MEGF11: variants seen among roughly 807,000 people sequenced by gnomAD.
MEGF11 encodes multiple EGF like domains 11, also known as multiple epidermal growth factor-like domains protein 11.
MEGF11 carries 126 observed loss-of-function variants against 146.6 expected under a neutral mutation model. The ratio of observed to expected loss-of-function variants is 0.86; its 90% confidence interval spans 0.74 to 1.00. The LOEUF (loss-of-function observed/expected upper bound fraction) is 1.00. Among genes scored for constraint, MEGF11 ranks in the 50% least tolerant of loss-of-function variants. The pLI is 0.00. For synonymous variants in MEGF11, 532 were observed against 583.4 expected (o/e 0.91, Z 1.27); for missense variants, 1,509 against 1,521.2 (o/e 0.99, Z 0.13).
At position 65,982,166 on chromosome 15, in the gene MEGF11, T is replaced by A; in HGVS notation, c.641+76A>T. ...CCCGCCCCAGCCCCTCCACCTCCTCTACCCTCCCCACCCAGGCACCCTCCA... is the reference window on the plus strand; with the variant it reads ...CCCGCCCCAGCCCCTCCACCTCCTCAACCCTCCCCACCCAGGCACCCTCCA... On this transcript the variant is annotated intron_variant, in intron 6 of 25. Coordinates refer to ENST00000395614, the MANE Select transcript of MEGF11 (RefSeq NM_001385028.1). This position sits in a 1 kb window ranked among gnomAD's most constrained non-coding sequence, Gnocchi z 5.6. 8.4e-5 allele frequency: 92 copies of A among 1,093,316 alleles called. No homozygotes were observed. Among genetic ancestry groups the A allele is most frequent in the East Asian group, 1.2e-4 (3 of 25,270 alleles). 67.7% of individuals were successfully genotyped at this position (1,093,316 alleles called of 1,614,324 possible). A position where few individuals can be genotyped will look rare whatever the true frequency, so the allele number is the denominator to read the frequency against.
At position 65,957,737 on chromosome 15, in the gene MEGF11, A is replaced by G; in HGVS notation, c.1113-16T>C. The G allele has an allele frequency of 6.2e-7, 1 of 1,612,568 alleles. No individual in the cohort carries two copies. On this transcript the variant is annotated splice_polypyrimidine_tract_variant and intron_variant, in intron 9 of 25. Coordinates refer to ENST00000395614, the MANE Select transcript of MEGF11 (RefSeq NM_001385028.1). ...TGGGTGGCAGCTGCACAGATGAGAGAAGGGTGAGAAGACAGCTTGTTCTGG... is the reference window on the plus strand; with the variant it reads ...TGGGTGGCAGCTGCACAGATGAGAGGAGGGTGAGAAGACAGCTTGTTCTGG...
chr15:66,039,398 A>C (rs2083859998), intron 5 of MEGF11, among the ~76,000 whole-genome samples: 1 of 152,334 alleles, frequency 6.6e-6, no homozygotes, highest in East Asian at 1.9e-4. Context: ...CCTGGGGACC[A>C]CGTCTCCTGC....
At chr15:66,028,835 A>T (rs1323371643) in intron 5 of MEGF11, among the ~76,000 whole-genome samples, 2 of 152,262 alleles carry the variant, frequency 1.3e-5, no homozygotes, top group African/African-American at 4.8e-5. Context: ...GCTGACAAGG[A>T]TCAGAAGGGA....
chr15:66,237,425 T>C (rs1447133188), intron 1 of MEGF11, among the ~76,000 whole-genome samples: 1 of 152,212 alleles, frequency 6.6e-6, no homozygotes, highest in Non-Finnish European at 1.5e-5. Context: ...CATGTTTTAG[T>C]GCCTAACATC....
chr15:66,207,375 G>A (rs1004834540), intron 1 of MEGF11, among the ~76,000 whole-genome samples: 1 of 152,194 alleles, frequency 6.6e-6, no homozygotes, highest in Non-Finnish European at 1.5e-5. Context: ...CAAATCCATA[G>A]AAGCCAGAAG....
At chr15:66,237,385 C>T (rs1597168922) in intron 1 of MEGF11, among the ~76,000 whole-genome samples, 1 of 152,184 alleles carries the variant, frequency 6.6e-6, no homozygotes, top group Admixed American at 6.5e-5. Flanking sequence ...ATGGTCTCAC[C>T]ATTTCACCTC....
chr15:65,898,510 G>T, intron 25 of MEGF11: 2 of 985,390 alleles, frequency 2.0e-6, no homozygotes, highest in East Asian at 1.1e-4. Context: ...TTTCATATTA[G>T]TCCTGGTGTT....
chr15:66,145,593 C>T (rs2089340115), intron 1 of MEGF11, among the ~76,000 whole-genome samples: 1 of 152,158 alleles, frequency 6.6e-6, no homozygotes, highest in Non-Finnish European at 1.5e-5. Flanking sequence ...GGGTAGGGGG[C>T]TGGGCCGAAG....
At chr15:66,164,567 C>T (rs888470661) in intron 1 of MEGF11, among the ~76,000 whole-genome samples, 1 of 152,130 alleles carries the variant, frequency 6.6e-6, no homozygotes, top group Admixed American at 6.5e-5. Context: ...CCCACTGGAC[C>T]TTTCTCACCA....
chr15:65,923,042 A>C, intron 13 of MEGF11, 73 bp from the exon 14 acceptor site: 10 of 1,517,832 alleles, frequency 6.6e-6, no homozygotes, highest in Non-Finnish European at 8.9e-6. Flanking sequence ...GGGAAGGGGG[A>C]CAGTGCAGTA....
At chr15:66,039,799 C>T (rs1267975661) in intron 5 of MEGF11, among the ~76,000 whole-genome samples, 1 of 120,840 alleles carries the variant, frequency 8.3e-6, no homozygotes, top group Non-Finnish European at 1.8e-5. Context: ...GGTCAGGCGG[C>T]GGTGGGGTGA....
At chr15:65,905,993 T>C (rs958485438) in intron 24 of MEGF11, 92 bp downstream of exon 24, 80 of 1,099,006 alleles carry the variant, frequency 7.3e-5, no homozygotes, top group Admixed American at 3.6e-4. Context: ...GCACACACAG[T>C]TTGTCTCAAG....
chr15:65,916,852 A>C lies in MEGF11; in HGVS notation c.2191T>G (p.Trp731Gly), dbSNP rs141459855. Residue 731 changes from tryptophan to glycine, a missense_variant, in exon 17 of 26, where the codon TGG (tryptophan) becomes GGG (glycine). Physicochemically the swap from Trp to Gly is radical, Grantham distance 184 (BLOSUM62 -2). Transcript: ENST00000395614. Reference protein sequence around the residue: ...EDGACHCTPGWTGLFCTQRCP... With the variant: ...EDGACHCTPGGTGLFCTQRCP... ...CGCTGTGTGCAGAAGAGTCCAGTCCAGCCAGGGGTGCAGTGGCAGGCCCCG... is the reference window on the plus strand; with the variant it reads ...CGCTGTGTGCAGAAGAGTCCAGTCCCGCCAGGGGTGCAGTGGCAGGCCCCG... 21 of 1,604,158 alleles carry C rather than the reference A, an allele frequency of 1.3e-5. No homozygotes were observed. Among genetic ancestry groups the C allele is most frequent in the Non-Finnish European group, 1.8e-5 (21 of 1,173,578 alleles).
chr15:66,145,292 G>A (rs1450018044), intron 1 of MEGF11, among the ~76,000 whole-genome samples: 1 of 152,094 alleles, frequency 6.6e-6, no homozygotes, highest in Non-Finnish European at 1.5e-5. Context: ...TGCTAATGGG[G>A]AGGAAGCTGA....
rs913983641 is a variant in MEGF11, at chr15:65,929,645, T to A, written c.1572+75A>T. 1.5e-4 allele frequency: 225 copies of A among 1,487,474 alleles called. 1 individual carries two copies. The highest frequency in any genetic ancestry group is 1.8e-4 in the Non-Finnish European group (196 of 1,106,246). The allele number at this position is 1,487,474 out of a possible 1,614,324, so 92.1% of individuals were successfully genotyped here. ...TAGTGCTGTTCTCTGTGCACTCTTGTGGACGAACTAACACCAGGGAAAGGG... is the reference window on the plus strand; with the variant it reads ...TAGTGCTGTTCTCTGTGCACTCTTGAGGACGAACTAACACCAGGGAAAGGG... On this transcript the variant is annotated intron_variant, in intron 12 of 25. Coordinates refer to ENST00000395614, the MANE Select transcript of MEGF11 (RefSeq NM_001385028.1).
chr15:66,208,994 A>T (rs989537675), intron 1 of MEGF11, among the ~76,000 whole-genome samples: 1 of 152,214 alleles, frequency 6.6e-6, no homozygotes, highest in Non-Finnish European at 1.5e-5. Flanking sequence ...TCACTCATAC[A>T]TTGCTGCTCG....
chr15:66,236,995 C>A (rs2140224016), intron 1 of MEGF11, among the ~76,000 whole-genome samples: 1 of 152,304 alleles, frequency 6.6e-6, no homozygotes, highest in Non-Finnish European at 1.5e-5. Flanking sequence ...CCTCACCCAG[C>A]ACCTCCTTCC....
At chr15:65,955,075 C>G (rs1255577485) in intron 10 of MEGF11, among the ~76,000 whole-genome samples, 1 of 152,210 alleles carries the variant, frequency 6.6e-6, no homozygotes, top group South Asian at 2.1e-4. Context: ...TTCTCTCTCC[C>G]TGTATACACC....
chr15:66,088,604 G>A (rs1280478589), intron 5 of MEGF11, among the ~76,000 whole-genome samples: 2 of 151,968 alleles, frequency 1.3e-5, no homozygotes, highest in African/African-American at 2.4e-5. Context: ...GCAGTGAACC[G>A]AGATTGCACC....
Sources: gnomAD v4.1 joint callset for allele counts (sites outside exome capture counted in the v4.1 genomes callset) on GRCh38, gnomAD v4.1.1 for gene constraint, Gnocchi (gnomAD v3.1) non-coding constraint, MANE v1.5 for transcripts, NCBI Gene and HGNC (gene_info 2026-07-23, HGNC 2026-07-21) for gene names.